The following PDZD2 variants were observed in gnomAD, a reference collection of about 807,000 sequenced individuals.
The protein encoded by PDZD2 is PDZ domain-containing protein 2.
Under a neutral mutation model 220.7 loss-of-function variants are expected in PDZD2, and 90 were observed. The ratio of observed to expected loss-of-function variants is 0.41; its 90% CI spans 0.34 to 0.49. The LOEUF (loss-of-function observed/expected upper bound fraction) is 0.49. PDZD2 is among the 20% of genes least tolerant of loss of function. The probability of loss-of-function intolerance (pLI) is 0.28; values close to 1 mark genes in which losing one functional copy is unlikely to be tolerated. For missense variants in PDZD2, 3,174 were observed against 3,608.5 expected (o/e 0.88, Z 3.08); for synonymous variants, 1,375 against 1,450.5 (o/e 0.95, Z 1.18).
At chr5:32,016,135 T>G (rs1753764156) in intron 6 of PDZD2, among the ~76,000 whole-genome samples, 1 of 152,202 alleles carries the variant, frequency 6.6e-6, no homozygotes, top group Non-Finnish European at 1.5e-5. Flanking sequence ...GTTTGATTCT[T>G]CGTTGGTGGA....
chr5:31,859,627 T>C (rs1002667260), intron 2 of PDZD2, among the ~76,000 whole-genome samples: 1 of 152,204 alleles, frequency 6.6e-6, no homozygotes, highest in Non-Finnish European at 1.5e-5. Flanking sequence ...TTGTTTCCTC[T>C]GATTGCTAGT....
intron 2 of PDZD2, among the ~76,000 whole-genome samples, chr5:31,850,243 T>TAAGTATATATATATATATATATATATAC (rs577432352): frequency 4.9e-5 from 6 of 122,232 alleles, no homozygotes; most frequent in Admixed American, 9.3e-5. Context: ...TATATATATA[T>TAAGTATATATATATATATATATATATAC]ACACACACAC....
chr5:31,714,621 C>T (rs1173558644), intron 1 of PDZD2, among the ~76,000 whole-genome samples: 1 of 152,154 alleles, frequency 6.6e-6, no homozygotes, highest in Non-Finnish European at 1.5e-5. Context: ...ATATCTGCAA[C>T]TCAAAACTGA....
chr5:32,109,389 G>A lies in PDZD2; in HGVS notation c.*1254G>A, dbSNP rs770618039. ...CCTACAGAAGACTGTCGTGACTCAC[G>A]CTACTTGGGAAACTCACTCTGGCCA... On this transcript the variant is annotated 3_prime_UTR_variant, in exon 25 of 25. Coordinates refer to ENST00000438447, the MANE Select transcript of PDZD2 (RefSeq NM_178140.4). The A allele has an allele frequency of 6.6e-6, 1 of 152,136 alleles. No homozygotes were observed. The highest frequency in any genetic ancestry group is 2.4e-5 in the African/African-American group (1 of 41,402). 9.4% of individuals were successfully genotyped at this position (152,136 alleles called of 1,614,324 possible). A position where few individuals can be genotyped will look rare whatever the true frequency, so the allele number is the denominator to read the frequency against.
rs148269636 is a variant in PDZD2 at position 31,665,563 on chromosome 5, C to T, written c.-361+26126C>T. Among the ~76,000 whole-genome samples the T allele has an allele frequency of 1.8e-3, 267 of 151,944 alleles. 1 individual carries two copies. Among genetic ancestry groups the T allele is most frequent in the African/African-American group, 6.1e-3 (253 of 41,430 alleles). ...GGGGCAGGTGATTGGATCATGGGGG[C>T]GGTTTCCCCCATGCTGTTCTTGTGA... On this transcript the variant is annotated intron_variant, in intron 1 of 24. Coordinates refer to ENST00000438447, the MANE Select transcript of PDZD2 (RefSeq NM_178140.4).
chr5:31,858,015 G>A (rs904127902), intron 2 of PDZD2, among the ~76,000 whole-genome samples: 8 of 152,050 alleles, frequency 5.3e-5, no homozygotes, highest in African/African-American at 1.9e-4. Flanking sequence ...TAGTAGAGAC[G>A]GGATTTCACT....
intron 5 of PDZD2, among the ~76,000 whole-genome samples, chr5:32,002,990 C>CTA: frequency 7.8e-6 from 1 of 127,572 alleles, no homozygotes. Flanking sequence ...CACACACACC[C>CTA]CACACACCAA....
chr5:31,876,801 T>C (rs551464404), intron 2 of PDZD2, among the ~76,000 whole-genome samples: 13 of 152,344 alleles, frequency 8.5e-5, no homozygotes, highest in African/African-American at 3.1e-4. Context: ...AGTCAGGCTA[T>C]GTGCCAAGCG....
chr5:32,100,552 T>G (rs1328694338), intron 23 of PDZD2: 1 of 324,538 alleles, frequency 3.1e-6, no homozygotes, highest in Non-Finnish European at 6.0e-6. Context: ...AGGGGCAGGG[T>G]TTCCCTTTGC....
At chr5:31,915,852 A>G (rs1743631896) in intron 2 of PDZD2, among the ~76,000 whole-genome samples, 1 of 152,202 alleles carries the variant, frequency 6.6e-6, no homozygotes, top group Non-Finnish European at 1.5e-5. Context: ...TCCTTTTTAC[A>G]GTGTACCTAC....
At chr5:32,043,678 A>G (rs1026321164) in intron 7 of PDZD2, among the ~76,000 whole-genome samples, 1 of 152,134 alleles carries the variant, frequency 6.6e-6, no homozygotes, top group Non-Finnish European at 1.5e-5. Flanking sequence ...CCCAGGCTGG[A>G]GCACGGTGGT....
intron 2 of PDZD2, among the ~76,000 whole-genome samples, chr5:31,946,078 C>G (rs1187587126): frequency 1.3e-5 from 2 of 152,248 alleles, no homozygotes; most frequent in Non-Finnish European, 2.9e-5. Context: ...TCCCGGCGCA[C>G]TGCAACCTCT....
At position 31,682,024 on chromosome 5, in the gene PDZD2, C is replaced by T. The variant is rs1456315227; in HGVS notation, c.-361+42587C>T. Among the ~76,000 whole-genome samples, 3 of 152,104 alleles carry T rather than the reference C, an allele frequency of 2.0e-5. No individual in the cohort carries two copies. In the East Asian group the frequency reaches 5.8e-4, roughly 29 times the overall value. On this transcript the variant is annotated intron_variant, in intron 1 of 24. Transcript: ENST00000438447. ...AGGGCTGTAATTTTTTTTGGAACATCGCATTCTTTCTTCTCCCTAAGACGC... is the reference window on the plus strand; with the variant it reads ...AGGGCTGTAATTTTTTTTGGAACATTGCATTCTTTCTTCTCCCTAAGACGC...
intron 19 of PDZD2, among the ~76,000 whole-genome samples, chr5:32,085,854 G>GTT (rs34367845): frequency 6.8e-6 from 1 of 146,976 alleles, no homozygotes; most frequent in Non-Finnish European, 1.5e-5. Context: ...TTTTACAACT[G>GTT]TTTTTTTTTT....
At chr5:31,908,470 G>C (rs187240583) in intron 2 of PDZD2, 1 of 896,298 alleles carries the variant, frequency 1.1e-6, no homozygotes, top group Non-Finnish European at 1.7e-6. Flanking sequence ...CTGTAGGAGA[G>C]AGGGTAACAC....
intron 2 of PDZD2, among the ~76,000 whole-genome samples, chr5:31,859,728 T>C (rs1413253186): frequency 6.6e-6 from 1 of 152,182 alleles, no homozygotes; most frequent in Non-Finnish European, 1.5e-5. Flanking sequence ...GATCACTCAC[T>C]AAAAAGCTAA....
intron 6 of PDZD2, among the ~76,000 whole-genome samples, chr5:32,012,652 T>C (rs780024843): frequency 2.2e-4 from 33 of 151,966 alleles, no homozygotes; most frequent in Non-Finnish European, 3.7e-4. Context: ...CCTCCCAAAG[T>C]GCTAGGATTA....
At chr5:32,051,168 A>G (rs1738507179) in intron 8 of PDZD2, among the ~76,000 whole-genome samples, 1 of 152,176 alleles carries the variant, frequency 6.6e-6, no homozygotes, top group Non-Finnish European at 1.5e-5. Flanking sequence ...GATGGTGACC[A>G]GAGAAAGAGT....
intron 2 of PDZD2, among the ~76,000 whole-genome samples, chr5:31,832,735 G>A (rs1756688750): frequency 6.6e-6 from 1 of 152,186 alleles, no homozygotes; most frequent in Non-Finnish European, 1.5e-5. Flanking sequence ...AGAATCACTT[G>A]AGCCCAGGAG....
Sources: gnomAD v4.1 joint callset for allele counts (sites outside exome capture counted in the v4.1 genomes callset) on GRCh38, gnomAD v4.1.1 for gene constraint, MANE v1.5 for transcripts, NCBI Gene and HGNC (gene_info 2026-07-23, HGNC 2026-07-21) for gene names.